The following UBN2 variants were observed in gnomAD, a reference collection of about 807,000 sequenced individuals.
UBN2 encodes the protein ubinuclein 2, also known as ubinuclein-2.
UBN2 carries 35 observed loss-of-function variants against 120.2 expected under a neutral mutation model. The observed-to-expected ratio is 0.29, with a 90% CI of 0.22 to 0.39. UBN2 has a LOEUF of 0.39. UBN2 is among the 10% of genes least tolerant of loss of function. UBN2 has a pLI of 1.00. For missense variants in UBN2, 1,693 were observed against 1,663.2 expected (o/e 1.02, Z -0.31); for synonymous variants, 661 against 648.7 (o/e 1.02, Z -0.29).
At chr7:139,256,275 T>C (rs185876034) in intron 3 of UBN2, among the ~76,000 whole-genome samples, 3 of 152,330 alleles carry the variant, frequency 2.0e-5, no homozygotes, top group African/African-American at 7.2e-5. Context: ...GAAAAAGGAA[T>C]AGTAGCAGTG....
At position 139,283,731 on chromosome 7, in the gene UBN2, A is replaced by G. The variant is rs1410949526; in HGVS notation, c.2826A>G (p.Pro942=). ...CTGTCCAGCAGAACTATGTGTCTCC[A>G]TTACAGGCCACCATCAGTAAATCCC... is the stretch of plus-strand genomic sequence containing the variant. ...HSAVQQNYVS[P]LQATISKSQT... The change falls in exon 15 of 18, where the codon CCA becomes CCG. Residue 942 remains proline (P), a synonymous_variant. Coordinates refer to ENST00000473989, the MANE Select transcript of UBN2 (RefSeq NM_173569.4). The G allele has an allele frequency of 2.5e-6, 4 of 1,613,724 alleles. No individual in the cohort carries two copies. The highest frequency in any genetic ancestry group is 3.3e-4 in the Middle Eastern group (2 of 6,084).
At chr7:139,237,182 A>G (rs900702202) in intron 2 of UBN2, 85 bp downstream of exon 2, 38 of 832,882 alleles carry the variant, frequency 4.6e-5, no homozygotes, top group Admixed American at 2.6e-4. Flanking sequence ...GCCTATAAAT[A>G]TCCGTTGCCT....
intron 2 of UBN2, among the ~76,000 whole-genome samples, chr7:139,242,000 C>G (rs1796333093): frequency 6.6e-6 from 1 of 151,724 alleles, no homozygotes; most frequent in African/African-American, 2.4e-5. Flanking sequence ...TCCAGCTCCC[C>G]CCCCCAAAAA....
chr7:139,317,162 T>C, the UBN2 span, among the ~76,000 whole-genome samples: 1 of 152,048 alleles, frequency 6.6e-6, no homozygotes, highest in Admixed American at 6.6e-5. Flanking sequence ...GACCTTTGCA[T>C]TGCGGTCTTT....
intron 1 of UBN2, among the ~76,000 whole-genome samples, chr7:139,234,761 T>C (rs1250465817): frequency 3.3e-5 from 5 of 152,238 alleles, no homozygotes; most frequent in African/African-American, 1.2e-4. Flanking sequence ...GAACATTTAC[T>C]GTAAAAAGAA....
At chr7:139,295,717 C>T (rs1002808838) in intron 17 of UBN2, among the ~76,000 whole-genome samples, 5 of 152,138 alleles carry the variant, frequency 3.3e-5, no homozygotes, top group Admixed American at 1.3e-4. Flanking sequence ...TCCAGGAGTT[C>T]GAGACCAACC....
At chr7:139,284,621 A>AT in intron 15 of UBN2, 47 bp downstream of exon 15, 1 of 1,500,868 alleles carries the variant, frequency 6.7e-7, no homozygotes, top group Non-Finnish European at 8.9e-7. Context: ...AGATTGTATA[A>AT]TGTCGTCTTT....
intron 2 of UBN2, among the ~76,000 whole-genome samples, chr7:139,248,503 T>A (rs1186780172): frequency 6.6e-6 from 1 of 152,200 alleles, no homozygotes; most frequent in African/African-American, 2.4e-5. Context: ...GAAATTGATA[T>A]CTTACTTTAA....
intron 15 of UBN2, among the ~76,000 whole-genome samples, chr7:139,292,002 C>G (rs959976701): frequency 7.9e-5 from 12 of 152,238 alleles, no homozygotes; most frequent in African/African-American, 2.9e-4. Flanking sequence ...AATTCTAGCA[C>G]TTTGGGAGGC....
At chr7:139,272,686 C>G (rs1195441659) in intron 9 of UBN2, among the ~76,000 whole-genome samples, 1 of 152,104 alleles carries the variant, frequency 6.6e-6, no homozygotes, top group African/African-American at 2.4e-5. Flanking sequence ...GCCACCACAC[C>G]AGGCTAATTT....
At position 139,231,828 on chromosome 7, in the gene UBN2, G is replaced by C; in HGVS notation, c.344G>C (p.Arg115Pro). Reference sequence around the variant, plus strand: ...CCCCCGCCGCGGGAGTCGGCTTCCCGGGCTGAGCAGCCGCCGCGGCCGCCG... The same window carrying C: ...CCCCCGCCGCGGGAGTCGGCTTCCCCGGCTGAGCAGCCGCCGCGGCCGCCG... ...QPPPPRESAS[R>P]AEQPPRPPRE... Residue 115 changes from arginine to proline, a missense_variant, in exon 1 of 18, where the codon CGG (arginine) becomes CCG (proline). This residue lies in a region of UBN2 where 663 missense variants were observed against 591.2 expected (regional missense o/e 1.12). Coordinates refer to ENST00000473989, the MANE Select transcript of UBN2 (RefSeq NM_173569.4). The C allele has an allele frequency of 6.6e-7, 1 of 1,514,734 alleles. No individual in the cohort carries two copies. Among genetic ancestry groups the C allele is most frequent in the East Asian group, 2.8e-5 (1 of 35,724 alleles). The allele number at this position is 1,514,734 out of a possible 1,614,324, so 93.8% of individuals were successfully genotyped here.
Position 139,284,041 on chromosome 7 carries a change from G to C in UBN2, c.3136G>C (p.Ala1046Pro), listed in dbSNP as rs751499407. 7 of 1,614,010 alleles carry C rather than the reference G, an allele frequency of 4.3e-6. No individual in the cohort carries two copies. Among genetic ancestry groups the C allele is most frequent in the Non-Finnish European group, 5.9e-6 (7 of 1,179,980 alleles). Residue 1046 changes from alanine (A) to proline (P), a missense_variant, in exon 15 of 18, where the codon GCC (alanine) becomes CCC (proline). Physicochemically the swap from Ala to Pro is conservative, Grantham distance 27 (BLOSUM62 -1). Coordinates refer to ENST00000473989, the MANE Select transcript of UBN2 (RefSeq NM_173569.4). ...SPKLAASPKPATSPKPLPSPK... is the reference protein window; with the variant it reads ...SPKLAASPKPPTSPKPLPSPK... The stretch of plus-strand genomic sequence containing the variant: ...AAAACTTGCCGCATCTCCCAAGCCT[G>C]CCACATCTCCTAAACCCCTGCCCTC...
intron 1 of UBN2, among the ~76,000 whole-genome samples, chr7:139,234,138 A>G (rs1796102615): frequency 6.6e-6 from 1 of 152,148 alleles, no homozygotes; most frequent in Non-Finnish European, 1.5e-5. Context: ...GACCATCAAA[A>G]AGCAAAATGC....
Position 139,273,379 on chromosome 7 carries a change from A to G in UBN2, c.1798A>G (p.Arg600Gly). 1 of 1,606,264 alleles carries G rather than the reference A, an allele frequency of 6.2e-7. No individual in the cohort carries two copies. Among genetic ancestry groups the G allele is most frequent in the Non-Finnish European group, 8.5e-7 (1 of 1,175,550 alleles). Residue 600 changes from arginine (R) to glycine (G), a missense_variant, in exon 10 of 18, where the codon AGA becomes GGA. Physicochemically the swap from Arg to Gly is moderately radical, Grantham distance 125 (BLOSUM62 -2). Transcript: ENST00000473989. ...ACCAGGAAAACGTGTCATAGGACCAAGAAAGAAATTCCACTGGGATGACAC... is the reference window on the plus strand; with the variant it reads ...ACCAGGAAAACGTGTCATAGGACCAGGAAAGAAATTCCACTGGGATGACAC... ...EKPGKRVIGP[R>G]KKFHWDDTIR...
chr7:139,235,699 G>A (rs1218011756), intron 1 of UBN2, among the ~76,000 whole-genome samples: 4 of 152,142 alleles, frequency 2.6e-5, no homozygotes, highest in African/African-American at 7.2e-5. Context: ...GAGCCACTGC[G>A]CCTGGCCTTT....
At chr7:139,264,385 A>G (rs1339279525) in intron 6 of UBN2, among the ~76,000 whole-genome samples, 1 of 152,112 alleles carries the variant, frequency 6.6e-6, no homozygotes, top group East Asian at 1.9e-4. Flanking sequence ...AGCGATCCTC[A>G]TGGAATGTAG....
intron 8 of UBN2, 69 bp downstream of exon 8, chr7:139,269,592 G>T: frequency 6.5e-7 from 1 of 1,533,276 alleles, no homozygotes; most frequent in East Asian, 2.3e-5. Flanking sequence ...TTTCTGTTTG[G>T]GGCCTTTGCA....
chr7:139,284,302 C>G lies in UBN2; in HGVS notation c.3397C>G (p.Arg1133Gly). 1.2e-6 allele frequency: 2 copies of G among 1,614,140 alleles called. No homozygotes were observed. Among genetic ancestry groups the G allele is most frequent in the Non-Finnish European group, 1.7e-6 (2 of 1,180,018 alleles). ...SPTLNLLPSS[R>G]TSGLPPTKNL... ...CACCTTGAATTTATTGCCCTCTAGT[C>G]GCACTTCAGGCCTTCCACCTACAAA... The change falls in exon 15 of 18, where the codon CGC (arginine) becomes GGC (glycine). Residue 1133 changes from arginine to glycine, a missense_variant. Physicochemically the swap from Arg to Gly is moderately radical, Grantham distance 125. Around this residue, in one of 5 missense-constraint regions of UBN2, gnomAD observed 837 missense variants for 817.6 expected, o/e 1.02. Coordinates refer to ENST00000473989, the MANE Select transcript of UBN2 (RefSeq NM_173569.4).
In UBN2 at chr7:139,299,512, C is replaced by T. The variant is rs1798204536; in HGVS notation, c.*1676C>T. On this transcript the variant is annotated 3_prime_UTR_variant, in exon 18 of 18. Coordinates refer to ENST00000473989, the MANE Select transcript of UBN2 (RefSeq NM_173569.4). ...TATTTTGACTTCAAAGTCACATTGG[C>T]TTGCTTCATAGCGAAAAAGTTAATA... The T allele has an allele frequency of 6.6e-6, 1 of 152,134 alleles. No individual in the cohort carries two copies. Among genetic ancestry groups the T allele is most frequent in the African/African-American group, 2.4e-5 (1 of 41,438 alleles). 9.4% of individuals were successfully genotyped at this position (152,134 alleles called of 1,614,324 possible). A position where few individuals can be genotyped will look rare whatever the true frequency, so the allele number is the denominator to read the frequency against.
Sources: allele counts gnomAD v4.1 joint callset (sites outside exome capture counted in the v4.1 genomes callset), GRCh38; gene constraint gnomAD v4.1.1; regional missense constraint gnomAD v4.1.1; transcripts MANE v1.5; gene names NCBI Gene and HGNC (gene_info 2026-07-23, HGNC 2026-07-21).